Variants in NAA60 observed in about 807,000 individuals in gnomAD.
NAA60 encodes the protein N-alpha-acetyltransferase 60.
A neutral mutation model predicts 26.1 loss-of-function variants in NAA60; 8 were observed. The ratio of observed to expected loss-of-function variants is 0.31; its 90% confidence interval spans 0.18 to 0.55. NAA60 has a LOEUF of 0.55. Among genes scored for constraint, NAA60 ranks in the 20% least tolerant of loss-of-function variants. NAA60 has a pLI of 0.93. For missense variants in NAA60, 290 were observed against 311.3 expected, an observed-to-expected ratio of 0.93 and a Z score of 0.51; for synonymous variants, 131 against 122.5, an observed-to-expected ratio of 1.07 and a Z score of -0.46.
At chr16:3,450,699 C>CAAAA (rs539095336) in intron 2 of NAA60, among the ~76,000 whole-genome samples, 633 of 71,200 alleles carry the variant, frequency 8.9e-3, no homozygotes, top group Non-Finnish European at 0.016. Context: ...GACTCCGTCT[C>CAAAA]AAAAAAAAAA....
At chr16:3,463,162 A>ATGGGTAACACTACTCATAAT (rs1284875805) in intron 2 of NAA60, among the ~76,000 whole-genome samples, 2 of 152,144 alleles carry the variant, frequency 1.3e-5, no homozygotes, top group Non-Finnish European at 2.9e-5. Flanking sequence ...TTAGAGCAAA[A>ATGGGTAACACTACTCATAAT]TGGGTAACAC....
At chr16:3,482,984 C>T (rs976699055) in intron 5 of NAA60, 11 of 464,432 alleles carry the variant, frequency 2.4e-5, no homozygotes, top group South Asian at 1.3e-4. Context: ...ACCGTTTCTC[C>T]GATGTCCCAC....
Position 3,470,785 on chromosome 16 carries a change from C to T in NAA60, c.-6-5437C>T, listed in dbSNP as rs116591750. On this transcript the variant is annotated intron_variant, in intron 2 of 7. Transcript: ENST00000407558. ...ACATGTGGGTCCCCCTCACTGCCTC[C>T]GCAGCAGTGGACCTACAGCCATGCT... is the stretch of plus-strand genomic sequence containing the variant. Among the ~76,000 whole-genome samples the T allele has an allele frequency of 4.5e-3, 691 of 152,318 alleles. 2 individuals are homozygous for T. Among genetic ancestry groups the T allele is most frequent in the African/African-American group, 0.016 (669 of 41,574 alleles).
At chr16:3,456,009 A>T (rs1011819076) in intron 2 of NAA60, among the ~76,000 whole-genome samples, 1 of 151,950 alleles carries the variant, frequency 6.6e-6, no homozygotes, top group Non-Finnish European at 1.5e-5. Context: ...CCTGCCCAAA[A>T]AAAGAGTAAA....
intron 2 of NAA60, among the ~76,000 whole-genome samples, chr16:3,449,306 C>T (rs559520862): frequency 1.3e-5 from 2 of 152,280 alleles, no homozygotes; most frequent in South Asian, 2.1e-4. Flanking sequence ...ATCATGAGGT[C>T]AGGAGATCGA....
intron 2 of NAA60, among the ~76,000 whole-genome samples, chr16:3,467,082 G>T (rs2035811342): frequency 6.6e-6 from 1 of 152,140 alleles, no homozygotes; most frequent in Non-Finnish European, 1.5e-5. Context: ...CAGACAGTGG[G>T]TGCTTGGGCC....
rs114972469 is a variant in NAA60 at position 3,451,245 on chromosome 16, C to T, written c.-7+2705C>T. ...AAGCCCAGCCTCCATTTCACTTGCA[C>T]GCCTTTTATTTATGAAAATATAGTA... On this transcript the variant is annotated intron_variant, in intron 2 of 7. Coordinates refer to ENST00000407558, the MANE Select transcript of NAA60 (RefSeq NM_001083601.3). Among the ~76,000 whole-genome samples the T allele has an allele frequency of 5.7e-3, 875 of 152,242 alleles. 15 individuals are homozygous for T. Among genetic ancestry groups the T allele is most frequent in the African/African-American group, 0.019 (807 of 41,528 alleles).
chr16:3,460,591 C>T (rs562595716), intron 2 of NAA60, among the ~76,000 whole-genome samples: 1 of 152,288 alleles, frequency 6.6e-6, no homozygotes, highest in South Asian at 2.1e-4. Flanking sequence ...GTCTTGAACT[C>T]CTGACCTCAA....
At chr16:3,456,382 C>G (rs1307414631) in intron 2 of NAA60, among the ~76,000 whole-genome samples, 6 of 152,098 alleles carry the variant, frequency 3.9e-5, no homozygotes, top group Admixed American at 2.0e-4. Context: ...TTGGGCTCCC[C>G]ACGGCATCCA....
At chr16:3,476,009 C>T (rs1011107030) in intron 2 of NAA60, among the ~76,000 whole-genome samples, 3 of 152,232 alleles carry the variant, frequency 2.0e-5, no homozygotes, top group Admixed American at 1.3e-4. Flanking sequence ...CCCCATCCTG[C>T]CTGCCCTCCT....
At chr16:3,483,877 G>T in intron 6 of NAA60, 1 of 477,886 alleles carries the variant, frequency 2.1e-6, no homozygotes, top group Non-Finnish European at 3.7e-6. Context: ...ATAGGCATGA[G>T]CCCTGCACCC....
At chr16:3,457,922 GCCCGC>G in intron 2 of NAA60, 1 of 948,374 alleles carries the variant, frequency 1.1e-6, no homozygotes, top group Non-Finnish European at 1.3e-6. Flanking sequence ...CTCCCAACCT[GCCCGC>G]TCCCAACATG....
chr16:3,477,351 T>C (rs568910810), intron 3 of NAA60, among the ~76,000 whole-genome samples: 4 of 152,232 alleles, frequency 2.6e-5, no homozygotes, highest in Admixed American at 2.6e-4. Context: ...ATAAACAAGA[T>C]CTTGCCAGCC....
At chr16:3,445,971 C>G (rs757067582) in intron 1 of NAA60, among the ~76,000 whole-genome samples, 1 of 152,200 alleles carries the variant, frequency 6.6e-6, no homozygotes, top group Admixed American at 6.5e-5. Flanking sequence ...ATCCCTAACT[C>G]AATTTTGTAA....
chr16:3,479,532 A>G lies in NAA60; in HGVS notation c.172A>G (p.Thr58Ala), dbSNP rs911441771. The stretch of plus-strand genomic sequence containing the variant: ...CAAGAAGTTCTTTTCCCTTGCTGCA[A>G]CCTACAGAGGTGCCATTGTGGGAAT... ...SNKKFFSLAA[T>A]YRGAIVGMIV... Residue 58 changes from threonine (T) to alanine (A), a missense_variant, in exon 4 of 8, where the codon ACC becomes GCC. Coordinates refer to ENST00000407558, the MANE Select transcript of NAA60 (RefSeq NM_001083601.3). The G allele has an allele frequency of 2.5e-6, 4 of 1,613,908 alleles. No homozygotes were observed. Among genetic ancestry groups the G allele is most frequent in the Non-Finnish European group, 3.4e-6 (4 of 1,179,884 alleles).
chr16:3,465,233 C>G (rs950452070), intron 2 of NAA60, among the ~76,000 whole-genome samples: 66 of 150,090 alleles, frequency 4.4e-4, no homozygotes, highest in Non-Finnish European at 8.6e-4. Context: ...TGCCACTGCA[C>G]TCCAGCCTGG....
chr16:3,470,578 C>T (rs2036065687), intron 2 of NAA60, among the ~76,000 whole-genome samples: 1 of 152,146 alleles, frequency 6.6e-6, no homozygotes, highest in Non-Finnish European at 1.5e-5. Flanking sequence ...TCTCCTTGGG[C>T]CTGCTGTGAC....
intron 4 of NAA60, among the ~76,000 whole-genome samples, chr16:3,481,735 T>G (rs1294138387): frequency 6.6e-6 from 1 of 152,184 alleles, no homozygotes; most frequent in Non-Finnish European, 1.5e-5. Flanking sequence ...CCTGCAGGCC[T>G]GGAGTAACAA....
At chr16:3,458,935 A>G (rs77750000) in intron 2 of NAA60, among the ~76,000 whole-genome samples, 3 of 152,254 alleles carry the variant, frequency 2.0e-5, no homozygotes, top group African/African-American at 7.2e-5. Flanking sequence ...CCACCCACAA[A>G]TCTGTGTGCC....
Sources: gnomAD v4.1 joint callset for allele counts (sites outside exome capture counted in the v4.1 genomes callset) on GRCh38, gnomAD v4.1.1 for gene constraint, MANE v1.5 for transcripts, NCBI Gene and HGNC (gene_info 2026-07-23, HGNC 2026-07-21) for gene names.